STAT6: variants seen among roughly 807,000 people sequenced by gnomAD.
The protein encoded by STAT6 is signal transducer and activator of transcription 6.
In STAT6, 45 loss-of-function variants were observed where a neutral mutation model predicts 106.3. The ratio of observed to expected loss-of-function variants is 0.42; its 90% confidence interval spans 0.33 to 0.54. The LOEUF is 0.54. Among genes scored for constraint, STAT6 ranks in the 20% least tolerant of loss-of-function variants. STAT6 has a pLI of 0.06. For synonymous variants in STAT6, 413 were observed against 413.6 expected (o/e 1.00, Z 0.02); for missense variants, 797 against 1,062.2 (o/e 0.75, Z 3.47).
rs767128763 is a variant in STAT6, at chr12:57,099,452, A to C, written c.1745-12T>G. The C allele has an allele frequency of 1.9e-6, 3 of 1,614,120 alleles. No individual in the cohort carries two copies. Among genetic ancestry groups the C allele is most frequent in the South Asian group, 2.2e-5 (2 of 91,082 alleles). The stretch of plus-strand genomic sequence containing the variant: ...TATCTGTGGAGAGCCTATGGTAGGA[A>C]GGAGACCCTGAGATCCCTCTGTCCG... On this transcript the variant is annotated splice_polypyrimidine_tract_variant and intron_variant, in intron 15 of 21. Transcript: ENST00000300134. This position sits in a 1 kb window ranked among gnomAD's most constrained non-coding sequence, Gnocchi z 4.7.
rs2033427257 is a variant in STAT6, at chr12:57,096,404, C to T, written c.*168G>A. ...TAGAAAGGAAGGAGTGGATTGGCTC[C>T]ACCCACTGTGCATTCTCCTGTTAGT... On this transcript the variant is annotated 3_prime_UTR_variant, in exon 22 of 22. Coordinates refer to ENST00000300134, the MANE Select transcript of STAT6 (RefSeq NM_003153.5). The T allele has an allele frequency of 3.0e-6, 2 of 657,646 alleles. No homozygotes were observed. The highest frequency in any genetic ancestry group is 5.3e-6 in the Non-Finnish European group (2 of 377,720). The allele number at this position is 657,646 out of a possible 1,614,324, so 40.7% of individuals were successfully genotyped here. A position where few individuals can be genotyped will look rare whatever the true frequency, so the allele number is the denominator to read the frequency against.
In STAT6 at chr12:57,099,988, G is replaced by A; in HGVS notation, c.1607+8C>T. On this transcript the variant is annotated splice_region_variant and intron_variant, in intron 14 of 21. Transcript: ENST00000300134. This position sits in a 1 kb window ranked among gnomAD's most constrained non-coding sequence, Gnocchi z 4.7. ...TGGCTGCTCAGACTACCCAGGGTGG[G>A]GACTCACCGGTCAGACCAGTAGCTC... 6.2e-7 allele frequency: 1 copy of A among 1,613,892 alleles called. No individual in the cohort carries two copies. The highest frequency in any genetic ancestry group is 1.1e-5 in the South Asian group (1 of 91,024).
At position 57,106,838 on chromosome 12, in the gene STAT6, A is replaced by G. The variant is rs929426756; in HGVS notation, c.340-7T>C. 23 of 1,613,400 alleles carry G rather than the reference A, an allele frequency of 1.4e-5. No homozygotes were observed. The highest frequency in any genetic ancestry group is 3.3e-5 in the Admixed American group (2 of 60,004). On this transcript the variant is annotated splice_region_variant and splice_polypyrimidine_tract_variant and intron_variant, in intron 4 of 21. Coordinates refer to ENST00000300134, the MANE Select transcript of STAT6 (RefSeq NM_003153.5). ...GCATTGGCAAGTGGCGGAACTACAC[A>G]GGAAGGACAGATGCCAAGAAGTGAA...
chr12:57,098,774 G>A lies in STAT6; in HGVS notation c.2066+18C>T, dbSNP rs1431986423. The stretch of plus-strand genomic sequence containing the variant: ...ATCTGCACAGACCACTCCCATTCCT[G>A]TCTTTCCAGCTCCTTACACCATATC... On this transcript the variant is annotated intron_variant, in intron 18 of 21. Coordinates refer to ENST00000300134, the MANE Select transcript of STAT6 (RefSeq NM_003153.5). The A allele has an allele frequency of 3.7e-6, 6 of 1,610,560 alleles. No homozygotes were observed. Among genetic ancestry groups the A allele is most frequent in the South Asian group, 2.2e-5 (2 of 90,928 alleles).
chr12:57,111,289 TACACACACACACACAC>T lies in STAT6; in HGVS notation c.-198_-183del, dbSNP rs59118177. On this transcript the variant is annotated 5_prime_UTR_variant, in exon 1 of 22. Transcript: ENST00000300134. ...AAATAAGATAAAGCACACACATACA[TACACACACACACACAC>T]ACACACACACACACTCCTCTCCCGT... 2 of 145,758 alleles carry T rather than the reference TACACACACACACACAC, an allele frequency of 1.4e-5. No homozygotes were observed. The highest frequency in any genetic ancestry group is 6.8e-5 in the Admixed American group (1 of 14,604). The allele number at this position is 145,758 out of a possible 1,614,324, so 9.0% of individuals were successfully genotyped here.
At position 57,096,306 on chromosome 12, in the gene STAT6, G is replaced by T; in HGVS notation, c.*266C>A. 2.1e-6 allele frequency: 1 copy of T among 466,474 alleles called. No homozygotes were observed. Among genetic ancestry groups the T allele is most frequent in the Non-Finnish European group, 3.8e-6 (1 of 262,504 alleles). 28.9% of individuals were successfully genotyped at this position (466,474 alleles called of 1,614,324 possible). A position where few individuals can be genotyped will look rare whatever the true frequency, so the allele number is the denominator to read the frequency against. On this transcript the variant is annotated 3_prime_UTR_variant, in exon 22 of 22. Coordinates refer to ENST00000300134, the MANE Select transcript of STAT6 (RefSeq NM_003153.5). ...GTGCGTGTGCGCGCTGCAGGTGCAG[G>T]CATGTTGGGGTGTGTCTCAGAGCCT...
At chr12:57,100,420 TA>T (rs1442385223) in intron 13 of STAT6, among the ~76,000 whole-genome samples, 1 of 152,070 alleles carries the variant, frequency 6.6e-6, no homozygotes, top group Non-Finnish European at 1.5e-5. Context: ...AGCTAGGATT[TA>T]AACCCAGGCA....
chr12:57,106,931 C>G (rs2034318729), intron 4 of STAT6, 100 bp from the exon 5 acceptor site: 19 of 1,545,900 alleles, frequency 1.2e-5, no homozygotes, highest in Non-Finnish European at 1.6e-5. Flanking sequence ...TCTTGTTCCC[C>G]TCTCCCCTTT....
intron 4 of STAT6, 31 bp downstream of exon 4, chr12:57,107,200 A>G (rs1465832641): frequency 1.3e-6 from 2 of 1,597,438 alleles, no homozygotes; most frequent in African/African-American, 1.3e-5. Flanking sequence ...CAGGGGATTG[A>G]GTTGGGGTGG....
chr12:57,105,909 C>T, intron 7 of STAT6: 1 of 640,468 alleles, frequency 1.6e-6, no homozygotes, highest in South Asian at 2.1e-5. Context: ...TGTTCCCACC[C>T]AATAAACCAA....
Position 57,096,282 on chromosome 12 carries a change from T to C in STAT6, c.*290A>G, listed in dbSNP as rs1360991682. ...AGAGAGCTCTGTATGTGTGTGTGCG[T>C]GCGTGTGCGCGCTGCAGGTGCAGGC... On this transcript the variant is annotated 3_prime_UTR_variant, in exon 22 of 22. Transcript: ENST00000300134. 7.4e-6 allele frequency: 3 copies of C among 407,830 alleles called. No individual in the cohort carries two copies. Among genetic ancestry groups the C allele is most frequent in the African/African-American group, 6.2e-5 (3 of 48,274 alleles). The allele number at this position is 407,830 out of a possible 1,614,324, so 25.3% of individuals were successfully genotyped here. A position where few individuals can be genotyped will look rare whatever the true frequency, so the allele number is the denominator to read the frequency against.
chr12:57,105,373 GC>G (rs1484446792), intron 8 of STAT6, 34 bp from the exon 9 acceptor site: 3 of 1,610,628 alleles, frequency 1.9e-6, no homozygotes, highest in Non-Finnish European at 2.5e-6. Flanking sequence ...GGAGTTGGGG[GC>G]TAGGTCCCTG....
chr12:57,108,083 G>T, intron 2 of STAT6, 80 bp downstream of exon 2: 1 of 928,492 alleles, frequency 1.1e-6, no homozygotes, highest in Admixed American at 2.0e-5. Flanking sequence ...GAATCCATGG[G>T]TGAGGGGAGA....
chr12:57,096,793 G>A (rs2033462548), intron 21 of STAT6, 32 bp from the exon 22 acceptor site: 1 of 1,613,378 alleles, frequency 6.2e-7, no homozygotes, highest in Non-Finnish European at 8.5e-7. Context: ...AGTGGAGTAG[G>A]CATGGCGCCC....
intron 9 of STAT6, 23 bp downstream of exon 9, chr12:57,105,128 C>T (rs746592830): frequency 1.9e-6 from 3 of 1,597,872 alleles, no homozygotes; most frequent in Admixed American, 3.4e-5. Context: ...CCTTCTCCAA[C>T]CCCAGGTCCA....
chr12:57,106,688 C>G lies in STAT6; in HGVS notation c.478+5G>C, dbSNP rs377291888. ...CACACTCCCCAGAACCACCCTGGCC[C>G]CCACCTTGGCCAGCCTCAGCCCCCT... On this transcript the variant is annotated splice_donor_5th_base_variant and intron_variant, in intron 5 of 21. Coordinates refer to ENST00000300134, the MANE Select transcript of STAT6 (RefSeq NM_003153.5). 13 of 1,614,026 alleles carry G rather than the reference C, an allele frequency of 8.1e-6. No homozygotes were observed. The highest frequency in any genetic ancestry group is 1.7e-6 in the Non-Finnish European group (2 of 1,180,028).
intron 11 of STAT6, chr12:57,104,048 C>G (rs2735342): frequency 5.1e-6 from 1 of 197,860 alleles, no homozygotes; most frequent in African/African-American, 2.3e-5. Flanking sequence ...GGAACCAGAC[C>G]TCCAGGTTTC....
At chr12:57,104,700 C>G (rs745485960) in intron 10 of STAT6, 26 bp downstream of exon 10, 1 of 1,614,008 alleles carries the variant, frequency 6.2e-7, no homozygotes, top group Non-Finnish European at 8.5e-7. Context: ...GTGGTGCCCC[C>G]CTCACTGCAC....
intron 19 of STAT6, 163 bp from the exon 20 acceptor site, chr12:57,097,296 G>T: frequency 2.1e-6 from 1 of 484,872 alleles, no homozygotes; most frequent in Non-Finnish European, 3.5e-6. Flanking sequence ...CTTCTCATCT[G>T]TAAAATGTGC....
Sources: allele counts gnomAD v4.1 joint callset (sites outside exome capture counted in the v4.1 genomes callset), GRCh38; gene constraint gnomAD v4.1.1; non-coding constraint Gnocchi (gnomAD v3.1); transcripts MANE v1.5; gene names NCBI Gene and HGNC (gene_info 2026-07-23, HGNC 2026-07-21).